The following TMBIM1 variants were observed in gnomAD, a reference collection of about 807,000 sequenced individuals.
The protein encoded by TMBIM1 is protein lifeguard 3.
Under a neutral mutation model 45.1 loss-of-function variants are expected in TMBIM1, and 34 were observed. The ratio of observed to expected loss-of-function variants is 0.75; its 90% CI spans 0.57 to 1.00. The LOEUF is 1.00. Among genes scored for constraint, TMBIM1 ranks in the 50% least tolerant of loss-of-function variants. The pLI, the probability that TMBIM1 is intolerant of heterozygous loss-of-function variation, is 0.00. For missense variants in TMBIM1, 374 were observed against 402.4 expected (o/e 0.93, Z 0.60); for synonymous variants, 157 against 153.5 (o/e 1.02, Z -0.17).
Position 218,275,323 on chromosome 2 carries a change from A to C in TMBIM1, c.*152T>G. ...ACCAAGTACCCACACATCCATAGCC[A>C]GAGAGGCCACCTGTCTCCAGGACAG... On this transcript the variant is annotated 3_prime_UTR_variant, in exon 12 of 12. Coordinates refer to ENST00000258412, the MANE Select transcript of TMBIM1 (RefSeq NM_022152.6). The C allele has an allele frequency of 9.5e-7, 1 of 1,048,856 alleles. No individual in the cohort carries two copies. Among genetic ancestry groups the C allele is most frequent in the Non-Finnish European group, 1.3e-6 (1 of 755,188 alleles). 65.0% of individuals were successfully genotyped at this position (1,048,856 alleles called of 1,614,324 possible). A position where few individuals can be genotyped will look rare whatever the true frequency, so the allele number is the denominator to read the frequency against.
At chr2:218,290,990 T>G (rs1197916678) in intron 1 of TMBIM1, among the ~76,000 whole-genome samples, 1 of 152,164 alleles carries the variant, frequency 6.6e-6, no homozygotes, top group Non-Finnish European at 1.5e-5. Context: ...TATGTGTGTT[T>G]CCCTTCTCTG....
At chr2:218,278,610 C>A (rs925474853) in intron 5 of TMBIM1, 45 bp from the exon 6 acceptor site, 2 of 1,607,748 alleles carry the variant, frequency 1.2e-6, no homozygotes, top group Admixed American at 3.3e-5. Flanking sequence ...CAAATCTGCC[C>A]CGCTTGGCAG....
intron 3 of TMBIM1, 89 bp from the exon 4 acceptor site, chr2:218,279,442 C>T: frequency 1.6e-6 from 2 of 1,227,022 alleles, no homozygotes; most frequent in East Asian, 5.1e-5. Context: ...TCCTCCCACT[C>T]AAGAACCCTC....
rs535580757 is a variant in TMBIM1 at position 218,288,758 on chromosome 2, G to A, written c.-41+3708C>T. Reference sequence around the variant, plus strand: ...CCATGGCTATCGTGACTATATGCTCGAGTAGGAGAGTAAAGTGTTTTCTTG... The same window carrying A: ...CCATGGCTATCGTGACTATATGCTCAAGTAGGAGAGTAAAGTGTTTTCTTG... On this transcript the variant is annotated intron_variant, in intron 1 of 11. Transcript: ENST00000258412. Among the ~76,000 whole-genome samples, 15 of 152,242 alleles carry A rather than the reference G, an allele frequency of 9.9e-5. No individual in the cohort carries two copies. In the East Asian group the frequency reaches 1.9e-3, roughly 20 times the overall value.
chr2:218,277,899 C>T lies in TMBIM1; in HGVS notation c.513+36G>A, dbSNP rs768636631. On this transcript the variant is annotated intron_variant, in intron 7 of 11. Transcript: ENST00000258412. ...TCCCTGGGAGCAGTCTCCCTCACAG[C>T]ATCTCCACACCCTCCTGCCACCCTT... is the stretch of plus-strand genomic sequence containing the variant. The T allele has an allele frequency of 3.7e-6, 6 of 1,613,772 alleles. No individual in the cohort carries two copies. The South Asian group carries it at 5.5e-5, about 15-fold the overall frequency.
chr2:218,278,251 CTT>C, intron 6 of TMBIM1: 1 of 604,988 alleles, frequency 1.7e-6, no homozygotes, highest in Non-Finnish European at 2.9e-6. Context: ...TACTCAGCCT[CTT>C]TGAGCCTCGG....
At chr2:218,280,160 C>G in intron 2 of TMBIM1, 34 bp from the exon 3 acceptor site, 2 of 1,499,738 alleles carry the variant, frequency 1.3e-6, no homozygotes, top group Non-Finnish European at 1.9e-6. Context: ...CAGCTGGGGA[C>G]CTGAGACATG....
rs1048980006 is a variant in TMBIM1, at chr2:218,277,883, G to A, written c.513+52C>T. 57 of 1,610,996 alleles carry A rather than the reference G, an allele frequency of 3.5e-5. No homozygotes were observed. In the South Asian group the frequency reaches 5.9e-4, roughly 17 times the overall value. On this transcript the variant is annotated intron_variant, in intron 7 of 11. Coordinates refer to ENST00000258412, the MANE Select transcript of TMBIM1 (RefSeq NM_022152.6). ...ATGGGTCCCCATCCCTTCCCTGGGA[G>A]CAGTCTCCCTCACAGCATCTCCACA...
chr2:218,278,570 G>A lies in TMBIM1; in HGVS notation c.423-5C>T. The A allele has an allele frequency of 6.2e-7, 1 of 1,614,148 alleles. No homozygotes were observed. The highest frequency in any genetic ancestry group is 1.1e-5 in the South Asian group (1 of 91,090). Reference sequence around the variant, plus strand: ...TAGGTGACAACGAAGACAGCACTAGGGACAAAGAGATGGGGAAGCAGTTCA... The same window carrying A: ...TAGGTGACAACGAAGACAGCACTAGAGACAAAGAGATGGGGAAGCAGTTCA... On this transcript the variant is annotated splice_polypyrimidine_tract_variant and splice_region_variant and intron_variant, in intron 5 of 11. Coordinates refer to ENST00000258412, the MANE Select transcript of TMBIM1 (RefSeq NM_022152.6).
At chr2:218,292,417 C>T (rs1017778836) in intron 1 of TMBIM1, 49 bp downstream of exon 1, 2 of 152,286 alleles carry the variant, frequency 1.3e-5, no homozygotes, top group Admixed American at 1.3e-4. Flanking sequence ...TGGACCAGTC[C>T]CCACCGCCCA....
intron 6 of TMBIM1, 77 bp from the exon 7 acceptor site, chr2:218,278,051 G>C: frequency 2.0e-6 from 3 of 1,514,032 alleles, no homozygotes; most frequent in Non-Finnish European, 2.7e-6. Context: ...AGAAGGAAGC[G>C]CTTGGCTCCT....
At chr2:218,278,063 T>G in intron 6 of TMBIM1, 89 bp from the exon 7 acceptor site, 2 of 1,449,036 alleles carry the variant, frequency 1.4e-6, no homozygotes, top group Non-Finnish European at 1.9e-6. Flanking sequence ...TTGGCTCCTG[T>G]GCCTGGAGGA....
intron 6 of TMBIM1, chr2:218,278,272 T>C (rs957679769): frequency 1.5e-5 from 9 of 607,628 alleles, no homozygotes; most frequent in Non-Finnish European, 1.4e-5. Context: ...GGGTTCTTCC[T>C]ATTTGTTAAC....
intron 3 of TMBIM1, 70 bp downstream of exon 3, chr2:218,279,956 G>T: frequency 1.8e-6 from 2 of 1,129,284 alleles, no homozygotes; most frequent in South Asian, 1.2e-5. Flanking sequence ...GGGCTACTGT[G>T]GCCTACCCAC....
chr2:218,280,247 G>A, intron 2 of TMBIM1, 121 bp from the exon 3 acceptor site: 1 of 734,710 alleles, frequency 1.4e-6, no homozygotes, highest in Non-Finnish European at 2.4e-6. Flanking sequence ...GTTATAACAG[G>A]AACTCTTCTC....
chr2:218,275,318 T>C lies in TMBIM1; in HGVS notation c.*157A>G, dbSNP rs1691083294. The C allele has an allele frequency of 4.1e-6, 4 of 981,658 alleles. No individual in the cohort carries two copies. The highest frequency in any genetic ancestry group is 3.9e-5 in the South Asian group (2 of 51,188). The allele number at this position is 981,658 out of a possible 1,614,324, so 60.8% of individuals were successfully genotyped here. On this transcript the variant is annotated 3_prime_UTR_variant, in exon 12 of 12. Coordinates refer to ENST00000258412, the MANE Select transcript of TMBIM1 (RefSeq NM_022152.6). ...TCCCCACCAAGTACCCACACATCCATAGCCAGAGAGGCCACCTGTCTCCAG... is the reference window on the plus strand; with the variant it reads ...TCCCCACCAAGTACCCACACATCCACAGCCAGAGAGGCCACCTGTCTCCAG...
In TMBIM1 at chr2:218,292,491, C is replaced by T. The variant is rs1239820707; in HGVS notation, c.-66G>A. The T allele has an allele frequency of 1.3e-5, 2 of 152,204 alleles. No homozygotes were observed. Among genetic ancestry groups the T allele is most frequent in the Non-Finnish European group, 2.9e-5 (2 of 68,046 alleles). The allele number at this position is 152,204 out of a possible 1,614,324, so 9.4% of individuals were successfully genotyped here. ...CTGCGCCGTTCCAGACGGAGCGTTC[C>T]TGGCCTCGGAGTGTTGCAAGTCCTC... On this transcript the variant is annotated 5_prime_UTR_variant, in exon 1 of 12. Coordinates refer to ENST00000258412, the MANE Select transcript of TMBIM1 (RefSeq NM_022152.6).
intron 1 of TMBIM1, among the ~76,000 whole-genome samples, chr2:218,291,989 C>A (rs774325134): frequency 6.6e-6 from 1 of 151,794 alleles, no homozygotes; most frequent in Non-Finnish European, 1.5e-5. Flanking sequence ...CCGAGACTGG[C>A]CTCAGCGCGT....
rs900185550 is a variant in TMBIM1, at chr2:218,275,461, T to C, written c.*14A>G. The C allele has an allele frequency of 2.5e-6, 4 of 1,608,912 alleles. No homozygotes were observed. The highest frequency in any genetic ancestry group is 2.7e-5 in the African/African-American group (2 of 74,816). Reference sequence around the variant, plus strand: ...GGGAGAGCCCAGGATCGGGTGAAAATGGGGGCTTGCTCCTTAATTGCGATC... The same window carrying C: ...GGGAGAGCCCAGGATCGGGTGAAAACGGGGGCTTGCTCCTTAATTGCGATC... On this transcript the variant is annotated 3_prime_UTR_variant, in exon 12 of 12. Transcript: ENST00000258412.
Sources: gnomAD v4.1 joint callset for allele counts (sites outside exome capture counted in the v4.1 genomes callset) on GRCh38, gnomAD v4.1.1 for gene constraint, MANE v1.5 for transcripts, NCBI Gene and HGNC (gene_info 2026-07-23, HGNC 2026-07-21) for gene names.